Variants in GLIS3 observed in about 807,000 individuals in gnomAD.
GLIS3 encodes the protein zinc finger protein GLIS3.
GLIS3 carries 53 observed loss-of-function variants against 78.6 expected under a neutral mutation model. That is an observed-to-expected ratio of 0.67 (90% CI 0.54 to 0.85). The LOEUF (loss-of-function observed/expected upper bound fraction) is 0.85. Ranked by LOEUF, GLIS3 falls within the 40% of genes least tolerant of loss-of-function variation. The pLI is 0.00. For missense variants in GLIS3, 1,703 were observed against 1,231.1 expected (o/e 1.38, Z -5.74); for synonymous variants, 684 against 509.9 (o/e 1.34, Z -4.60).
chr9:4,273,633 A>AAATAAATAAATAAATG (rs1051463994), intron 2 of GLIS3, among the ~76,000 whole-genome samples: 1 of 139,106 alleles, frequency 7.2e-6, no homozygotes, highest in Non-Finnish European at 1.6e-5. Flanking sequence ...ATAAATAAAT[A>AAATAAATAAATAAATG]AATGTATTTT....
intron 2 of GLIS3, among the ~76,000 whole-genome samples, chr9:4,280,652 T>C (rs186078100): frequency 2.0e-5 from 3 of 152,274 alleles, no homozygotes; most frequent in Non-Finnish European, 4.4e-5. Context: ...TAAATGGGAA[T>C]AGCTGGGTAG....
chr9:4,072,318 G>C (rs6476803), intron 4 of GLIS3, among the ~76,000 whole-genome samples: 79,598 of 151,650 alleles, frequency 0.52, 22,666 homozygotes, highest in African/African-American at 0.74. Context: ...TTCACAATCA[G>C]TGCAGTTTGA....
At chr9:4,419,528 G>C in the GLIS3 span, among the ~76,000 whole-genome samples, 1,383 of 152,262 alleles carry the variant, frequency 9.1e-3, 13 homozygotes, top group Non-Finnish European at 0.012. Flanking sequence ...GGTGGCTCAT[G>C]CTTGTAATCC....
upstream of GLIS3, among the ~76,000 whole-genome samples, chr9:4,302,263 G>C (rs1436068690): frequency 6.6e-6 from 1 of 152,158 alleles, no homozygotes; most frequent in African/African-American, 2.4e-5. Context: ...CAGCCCTTCA[G>C]CCAGATAGGT....
chr9:4,387,363 G>A, the GLIS3 span, among the ~76,000 whole-genome samples: 5 of 151,804 alleles, frequency 3.3e-5, no homozygotes, highest in African/African-American at 7.3e-5. Flanking sequence ...CAAAACTTAC[G>A]GCCTTAGTGC....
At chr9:4,092,809 CGTATA>C (rs899381616) in intron 4 of GLIS3, among the ~76,000 whole-genome samples, 2 of 152,144 alleles carry the variant, frequency 1.3e-5, no homozygotes, top group African/African-American at 4.8e-5. Flanking sequence ...AATAATAAAA[CGTATA>C]GTATAGTAAA....
At chr9:4,428,112 G>C in the GLIS3 span, among the ~76,000 whole-genome samples, 2 of 152,080 alleles carry the variant, frequency 1.3e-5, no homozygotes, top group African/African-American at 4.8e-5. Context: ...AGGAGGCCAT[G>C]GGAGTTTCAG....
the GLIS3 span, among the ~76,000 whole-genome samples, chr9:4,371,166 ACTAGGCTTGGCAG>A: frequency 6.6e-6 from 1 of 152,226 alleles, no homozygotes; most frequent in Non-Finnish European, 1.5e-5. Context: ...AGGCCTGGTT[ACTAGGCTTGGCAG>A]CTCCTCTGTT....
rs766979481 is a variant in GLIS3 at position 3,828,390 on chromosome 9, C to T, written c.2675G>A (p.Ser892Asn). 8.7e-6 allele frequency: 14 copies of T among 1,613,298 alleles called. No homozygotes were observed. The highest frequency in any genetic ancestry group is 1.2e-5 in the Non-Finnish European group (14 of 1,180,032). ...AGACTCCCCAAAGAGGCTCGAGGAACTTGAAGGTAAATCATACACTGGAAG... is the reference window on the plus strand; with the variant it reads ...AGACTCCCCAAAGAGGCTCGAGGAATTTGAAGGTAAATCATACACTGGAAG... ...SGITVYDLPS[S>N]SSSLFGESLR... is the part of the protein sequence containing the mutation. The change falls in exon 11 of 11, where the codon AGT (serine) becomes AAT (asparagine). Residue 892 changes from serine to asparagine, a missense_variant. By Grantham distance (46) the Ser-to-Asn change is conservative. Coordinates refer to ENST00000381971, the MANE Select transcript of GLIS3 (RefSeq NM_001042413.2).
chr9:4,208,293 G>T (rs559974593), intron 2 of GLIS3, among the ~76,000 whole-genome samples: 23 of 152,324 alleles, frequency 1.5e-4, no homozygotes, highest in African/African-American at 5.5e-4. Flanking sequence ...TGGGCATGGG[G>T]GATGGAGAGG....
At chr9:4,369,787 G>A in the GLIS3 span, among the ~76,000 whole-genome samples, 1 of 152,160 alleles carries the variant, frequency 6.6e-6, no homozygotes, top group African/African-American at 2.4e-5. Context: ...GATCTAAAAA[G>A]AGTCTATCTA....
chr9:3,932,353 A>T lies in GLIS3; in HGVS notation c.1983+7T>A. On this transcript the variant is annotated splice_region_variant and intron_variant, in intron 6 of 10. Coordinates refer to ENST00000381971, the MANE Select transcript of GLIS3 (RefSeq NM_001042413.2). ...TTCCCGACTGGAAGATTCTCTTTTAAAATTACCTTTTTCCTTGCTTGTTGC... is the reference window on the plus strand; with the variant it reads ...TTCCCGACTGGAAGATTCTCTTTTATAATTACCTTTTTCCTTGCTTGTTGC... The T allele has an allele frequency of 6.2e-7, 1 of 1,602,030 alleles. No individual in the cohort carries two copies. The highest frequency in any genetic ancestry group is 8.6e-7 in the Non-Finnish European group (1 of 1,169,082).
rs530234544 is a variant in GLIS3 at position 4,256,054 on chromosome 9, G to C, written c.388+29984C>G. Among the ~76,000 whole-genome samples, 42 of 152,062 alleles carry C rather than the reference G, an allele frequency of 2.8e-4. 1 individual carries two copies. Among genetic ancestry groups the C allele is most frequent in the African/African-American group, 9.2e-4 (38 of 41,484 alleles). On this transcript the variant is annotated intron_variant, in intron 2 of 10. Transcript: ENST00000381971. ...TAAGTCTATTTTTTTTTTAAAAAAG[G>C]ATAACAAACTTGCCCAAGCCCTTAT...
chr9:4,316,532 C>T (rs1817439225), intron 2 of GLIS3, among the ~76,000 whole-genome samples: 1 of 152,182 alleles, frequency 6.6e-6, no homozygotes, highest in South Asian at 2.1e-4. Context: ...GTGGAGTGTA[C>T]ATGTTCTCTA....
rs568485799 is a variant in GLIS3 at position 4,216,074 on chromosome 9, C to T, written c.388+69964G>A. ...TCCACATAAATTGACTACATATACT[C>T]AGAGAAGATTGTTTAAAAAAAAAAC... On this transcript the variant is annotated intron_variant, in intron 2 of 10. Transcript: ENST00000381971. Among the ~76,000 whole-genome samples, 3 of 152,152 alleles carry T rather than the reference C, an allele frequency of 2.0e-5. No homozygotes were observed. The South Asian group carries it at 6.2e-4, about 32-fold the overall frequency.
the GLIS3 span, among the ~76,000 whole-genome samples, chr9:4,454,649 C>G: frequency 6.6e-6 from 1 of 152,266 alleles, no homozygotes; most frequent in East Asian, 1.9e-4. Flanking sequence ...GTAAATGCAT[C>G]TCTATTTCTG....
chr9:4,221,555 G>C (rs28683166), intron 2 of GLIS3, among the ~76,000 whole-genome samples: 1 of 151,860 alleles, frequency 6.6e-6, no homozygotes, highest in Non-Finnish European at 1.5e-5. Context: ...AATTTCTCTA[G>C]ATTTAATTCA....
chr9:4,283,597 T>G (rs3892341), intron 2 of GLIS3, among the ~76,000 whole-genome samples: 14,825 of 152,242 alleles, frequency 0.097, 857 homozygotes, highest in African/African-American at 0.17. Flanking sequence ...CCCACTTGTT[T>G]GTATGAATTA....
At chr9:4,119,250 A>T (rs574051377) in intron 3 of GLIS3, among the ~76,000 whole-genome samples, 1 of 152,372 alleles carries the variant, frequency 6.6e-6, no homozygotes, top group South Asian at 2.1e-4. Flanking sequence ...GTCAAAGCCA[A>T]CCAAATAAGT....
Sources: gnomAD v4.1 joint callset for allele counts (sites outside exome capture counted in the v4.1 genomes callset) on GRCh38, gnomAD v4.1.1 for gene constraint, MANE v1.5 for transcripts, NCBI Gene and HGNC (gene_info 2026-07-23, HGNC 2026-07-21) for gene names.